Variants in DNAH9 observed in about 807,000 individuals in gnomAD.
DNAH9 encodes the protein DNAH9 variant protein.
In DNAH9, 345 loss-of-function variants were observed where a neutral mutation model predicts 471.6. The observed-to-expected ratio is 0.73, with a 90% confidence interval of 0.67 to 0.80. DNAH9 has a LOEUF of 0.80. Ranked by LOEUF, DNAH9 falls within the 30% of genes least tolerant of loss-of-function variation. DNAH9 has a pLI of 0.00. For synonymous variants in DNAH9, 2,093 were observed against 2,123.6 expected, an observed-to-expected ratio of 0.99 and a Z score of 0.40; for missense variants, 5,407 against 5,609.2, an observed-to-expected ratio of 0.96 and a Z score of 1.15.
chr17:11,811,787 AGATAT>A (rs1191998708), intron 45 of DNAH9, among the ~76,000 whole-genome samples: 1 of 151,786 alleles, frequency 6.6e-6, no homozygotes, highest in Non-Finnish European at 1.5e-5. Flanking sequence ...ACACTGTTAC[AGATAT>A]GCTCTGTCCT....
At chr17:11,768,364 C>A in intron 36 of DNAH9, 89 bp from the exon 37 acceptor site, 2 of 1,359,706 alleles carry the variant, frequency 1.5e-6, no homozygotes, top group Non-Finnish European at 2.1e-6. Flanking sequence ...CGTTGTCCTG[C>A]CCTGACCTTC....
At chr17:11,721,632 AG>A (rs2075061313) in intron 27 of DNAH9, among the ~76,000 whole-genome samples, 1 of 152,096 alleles carries the variant, frequency 6.6e-6, no homozygotes, top group Non-Finnish European at 1.5e-5. Context: ...AGAGAGAGAG[AG>A]AGAGATGGAT....
intron 15 of DNAH9, among the ~76,000 whole-genome samples, chr17:11,668,634 C>T (rs2073917356): frequency 6.7e-6 from 1 of 148,372 alleles, no homozygotes; most frequent in Non-Finnish European, 1.5e-5. Flanking sequence ...CACTTCACTC[C>T]AGCCTGGGTG....
intron 48 of DNAH9, among the ~76,000 whole-genome samples, chr17:11,832,520 C>A (rs1057328053): frequency 1.3e-5 from 2 of 152,230 alleles, no homozygotes; most frequent in African/African-American, 4.8e-5. Context: ...AATGGATTAA[C>A]CTTCCAACTT....
intron 67 of DNAH9, among the ~76,000 whole-genome samples, chr17:11,955,630 C>T (rs1174287317): frequency 6.6e-6 from 1 of 152,102 alleles, no homozygotes; most frequent in Non-Finnish European, 1.5e-5. Context: ...TGTTATGGTG[C>T]TGTAGTAAGA....
rs146393244 is a variant in DNAH9, at chr17:11,625,397, G to A, written c.1351-4020G>A. On this transcript the variant is annotated intron_variant, in intron 6 of 68. Coordinates refer to ENST00000262442, the MANE Select transcript of DNAH9 (RefSeq NM_001372.4). The stretch of plus-strand genomic sequence containing the variant: ...CTGCAGCCTCCTTTCATTCTGAGCC[G>A]AATTGGGTATCTTCCCTTTTAGCCC... Among the ~76,000 whole-genome samples the A allele has an allele frequency of 1.3e-3, 201 of 152,248 alleles. 4 individuals carry two copies. The East Asian group carries it at 0.032, about 25-fold the overall frequency.
intron 38 of DNAH9, among the ~76,000 whole-genome samples, chr17:11,778,095 A>T (rs1968510211): frequency 1.3e-5 from 2 of 151,996 alleles, no homozygotes; most frequent in African/African-American, 4.8e-5. Context: ...GGGTAAATAA[A>T]CACCTGCTGG....
At chr17:11,804,738 G>A (rs1431070471) in intron 43 of DNAH9, among the ~76,000 whole-genome samples, 2 of 152,010 alleles carry the variant, frequency 1.3e-5, no homozygotes, top group East Asian at 3.9e-4. Flanking sequence ...GCCGAGCGTG[G>A]TGGCAGGCAC....
At chr17:11,658,407 C>A (rs1008854901) in intron 14 of DNAH9, among the ~76,000 whole-genome samples, 1 of 152,096 alleles carries the variant, frequency 6.6e-6, no homozygotes, top group East Asian at 1.9e-4. Flanking sequence ...GTAGTAATTG[C>A]TTTGTAAATT....
intron 20 of DNAH9, among the ~76,000 whole-genome samples, chr17:11,692,574 C>T (rs1224505494): frequency 1.3e-5 from 2 of 152,154 alleles, no homozygotes; most frequent in African/African-American, 4.8e-5. Context: ...TATCTACTTA[C>T]GAATCAAGTG....
rs1329415723 is a variant in DNAH9 at position 11,937,417 on chromosome 17, T to C, written c.12555T>C (p.Ile4185=). The change falls in exon 66 of 69, where the codon ATT becomes ATC. Residue 4185 remains isoleucine, a synonymous_variant. Transcript: ENST00000262442. The surrounding 1 kb of genome is among the most constrained non-coding windows in gnomAD (Gnocchi z 4.1). ...YLYGLHPNAE[I]GFLTQTSEKL... ...ATGGCCTCCACCCGAACGCAGAGATTGGCTTCCTGACCCAAACCTCAGAAA... is the reference window on the plus strand; with the variant it reads ...ATGGCCTCCACCCGAACGCAGAGATCGGCTTCCTGACCCAAACCTCAGAAA... The C allele has an allele frequency of 1.9e-6, 3 of 1,614,118 alleles. No individual in the cohort carries two copies. The Admixed American group carries it at 5.0e-5, about 27-fold the overall frequency.
chr17:11,859,411 C>CAAAAAA (rs34446360), intron 50 of DNAH9, among the ~76,000 whole-genome samples: 1 of 131,480 alleles, frequency 7.6e-6, no homozygotes. Context: ...GACTCCGTCT[C>CAAAAAA]AAAAAAAAAA....
rs753276964 is a variant in DNAH9 at position 11,952,309 on chromosome 17, C to CTTTTT, written c.12844-9534_12844-9530dup. 1.0e-3 allele frequency among the ~76,000 whole-genome samples: 73 copies of CTTTTT among 71,094 alleles called. 10 individuals carry two copies. Among genetic ancestry groups the CTTTTT allele is most frequent in the South Asian group, 1.7e-3 (3 of 1,790 alleles). The allele number at this position is 71,094 out of a possible 152,430, so 46.6% of individuals were successfully genotyped here. A position where few individuals can be genotyped will look rare whatever the true frequency, so the allele number is the denominator to read the frequency against. On this transcript the variant is annotated intron_variant, in intron 67 of 68. Transcript: ENST00000262442. ...CATGCACCATTACACCCAGCTAATT[C>CTTTTT]TTTTTTTTTTTTTTTTTTTTTTTTT...
chr17:11,910,052 G>A (rs1242073707), intron 61 of DNAH9, among the ~76,000 whole-genome samples: 1 of 152,062 alleles, frequency 6.6e-6, no homozygotes, highest in Non-Finnish European at 1.5e-5. Flanking sequence ...TCAGGAGATC[G>A]AGACCATCCT....
chr17:11,614,779 A>G (rs112095106), intron 4 of DNAH9, among the ~76,000 whole-genome samples: 2 of 152,216 alleles, frequency 1.3e-5, no homozygotes, highest in Non-Finnish European at 2.9e-5. Flanking sequence ...AGACGGTGGA[A>G]GGCAAGCCAG....
At chr17:11,906,325 G>A (rs538728970) in intron 61 of DNAH9, among the ~76,000 whole-genome samples, 1 of 152,226 alleles carries the variant, frequency 6.6e-6, no homozygotes, top group South Asian at 2.1e-4. Flanking sequence ...ATGATAGACT[G>A]GATAAAGAAA....
At position 11,834,765 on chromosome 17, in the gene DNAH9, C is replaced by G; in HGVS notation, c.9374C>G (p.Ala3125Gly). The change falls in exon 49 of 69, where the codon GCA becomes GGA. Residue 3125 changes from alanine to glycine, a missense_variant. Ala to Gly is a moderately conservative substitution (Grantham distance 60). Around this residue, in one of 3 missense-constraint regions of DNAH9, gnomAD observed 4,636 missense variants for 4,900.3 expected, o/e 0.95. Transcript: ENST00000262442. ...AAAGTGAGCAGAGAGAAAGCCATGG[C>G]AGATGAAGAGGAGCAGAAGGTGGCC... ...TDKVSREKAM[A>G]DEEEQKVAVI... The G allele has an allele frequency of 6.2e-7, 1 of 1,614,026 alleles. No homozygotes were observed. Among genetic ancestry groups the G allele is most frequent in the Non-Finnish European group, 8.5e-7 (1 of 1,179,992 alleles).
intron 55 of DNAH9, 22 bp from the exon 56 acceptor site, chr17:11,883,564 G>A: frequency 6.2e-7 from 1 of 1,613,118 alleles, no homozygotes; most frequent in Non-Finnish European, 8.5e-7. Context: ...GCACCTGACT[G>A]TCTCTTGCTT....
chr17:11,609,769 T>C (rs929886660), intron 2 of DNAH9, among the ~76,000 whole-genome samples: 3 of 152,194 alleles, frequency 2.0e-5, no homozygotes, highest in Admixed American at 2.0e-4. Flanking sequence ...GGGGAAAAGT[T>C]TGGGAATTCT....
Sources: gnomAD v4.1 joint callset for allele counts (sites outside exome capture counted in the v4.1 genomes callset) on GRCh38, gnomAD v4.1.1 for gene constraint, gnomAD v4.1.1 regional missense constraint, Gnocchi (gnomAD v3.1) non-coding constraint, MANE v1.5 for transcripts, NCBI Gene and HGNC (gene_info 2026-07-23, HGNC 2026-07-21) for gene names.